Variants in IFT140 observed in about 807,000 individuals in gnomAD.
IFT140 encodes the protein intraflagellar transport protein 140 homolog.
In IFT140, 133 loss-of-function variants were observed where a neutral mutation model predicts 164.6. The observed-to-expected ratio is 0.81, with a 90% CI of 0.70 to 0.93. The LOEUF (loss-of-function observed/expected upper bound fraction) is 0.93, where lower values mean the gene tolerates loss of function less well. IFT140 is among the 40% of genes least tolerant of loss of function. The pLI, the probability that IFT140 is intolerant of heterozygous loss-of-function variation, is 0.00. For missense variants in IFT140, 2,045 were observed against 1,972.3 expected (o/e 1.04, Z -0.70); for synonymous variants, 860 against 817.3 (o/e 1.05, Z -0.89).
chr16:1,541,310 AC>A (rs1290029753), intron 19 of IFT140: 7 of 985,084 alleles, frequency 7.1e-6, no homozygotes, highest in African/African-American at 3.5e-5. Context: ...ACTGGTTCAG[AC>A]CCATGTCTGA....
At chr16:1,562,918 T>C (rs2033496167) in intron 17 of IFT140, among the ~76,000 whole-genome samples, 1 of 152,126 alleles carries the variant, frequency 6.6e-6, no homozygotes, top group African/African-American at 2.4e-5. Flanking sequence ...CACCAGGACA[T>C]GCGCCCATAC....
At chr16:1,514,784 A>G (rs900525912) in intron 30 of IFT140, 6 of 152,246 alleles carry the variant, frequency 3.9e-5, no homozygotes, top group African/African-American at 1.4e-4. Context: ...AAAGGCAAGT[A>G]ATGGAGATCA....
chr16:1,513,753 A>G (rs1471830637), intron 30 of IFT140, among the ~76,000 whole-genome samples: 1 of 149,614 alleles, frequency 6.7e-6, no homozygotes, highest in East Asian at 2.1e-4. Flanking sequence ...TGCTCACTGC[A>G]AGCTCCGCCT....
chr16:1,516,320 C>T (rs114617122), intron 30 of IFT140, among the ~76,000 whole-genome samples: 337 of 152,044 alleles, frequency 2.2e-3, no homozygotes, highest in African/African-American at 7.3e-3. Flanking sequence ...GTTACACATA[C>T]GACAAATACA....
chr16:1,565,206 G>A (rs1378804738), intron 16 of IFT140, among the ~76,000 whole-genome samples: 1 of 152,170 alleles, frequency 6.6e-6, no homozygotes, highest in Admixed American at 6.5e-5. Context: ...CCTGGGTGAC[G>A]GGCAGTGGGG....
At chr16:1,534,300 G>A (rs531539606) in intron 19 of IFT140, 36 of 1,612,396 alleles carry the variant, frequency 2.2e-5, no homozygotes, top group Middle Eastern at 1.6e-4. Context: ...ACTCGTGGCC[G>A]CGGCCGTGCT....
intron 26 of IFT140, among the ~76,000 whole-genome samples, chr16:1,521,169 G>A (rs924166621): frequency 6.6e-6 from 1 of 152,162 alleles, no homozygotes; most frequent in Non-Finnish European, 1.5e-5. Flanking sequence ...CCCCAGGCTG[G>A]AGTGCAGTGG....
At chr16:1,581,807 AT>A (rs2034585253) in intron 12 of IFT140, among the ~76,000 whole-genome samples, 4 of 20,814 alleles carry the variant, frequency 1.9e-4, no homozygotes, top group African/African-American at 7.5e-4. Context: ...AGTGGAGGGG[AT>A]GGGAGTGGAG....
intron 15 of IFT140, among the ~76,000 whole-genome samples, chr16:1,567,498 C>T (rs2033782782): frequency 6.6e-6 from 1 of 152,220 alleles, no homozygotes; most frequent in African/African-American, 2.4e-5. Flanking sequence ...CGGAGCTCCA[C>T]AGCAGCGCAG....
intron 4 of IFT140, among the ~76,000 whole-genome samples, chr16:1,600,092 A>C (rs1379356841): frequency 1.4e-5 from 2 of 147,398 alleles, no homozygotes; most frequent in Non-Finnish European, 3.0e-5. Context: ...GAGACTTTTC[A>C]TTTTGTTCTG....
chr16:1,520,680 C>T lies in IFT140; in HGVS notation c.3582G>A (p.Gln1194=). Residue 1194 remains glutamine (Q), a synonymous_variant, in exon 27 of 31, where the codon CAG becomes CAA. Transcript: ENST00000426508. ...PEESRRELLE[Q]IADCCMRQGS... is the part of the protein sequence containing the mutation. ...CCTGGCGCATGCAGCAGTCTGCTAT[C>T]TGCTCCAGCAGCTCCCGCCGCGACT... 2 of 1,608,726 alleles carry T rather than the reference C, an allele frequency of 1.2e-6. No homozygotes were observed. Among genetic ancestry groups the T allele is most frequent in the Non-Finnish European group, 1.7e-6 (2 of 1,177,738 alleles).
intron 26 of IFT140, among the ~76,000 whole-genome samples, chr16:1,521,255 G>A (rs548830947): frequency 1.5e-4 from 23 of 152,138 alleles, no homozygotes; most frequent in South Asian, 1.5e-3. Flanking sequence ...CAGTAGAGAC[G>A]GGGTTTTGCA....
chr16:1,519,682 T>G (rs1477344499), intron 29 of IFT140, among the ~76,000 whole-genome samples, 199 bp downstream of exon 29: 1 of 152,190 alleles, frequency 6.6e-6, no homozygotes, highest in African/African-American at 2.4e-5. Context: ...CTCTGGTGTT[T>G]CCAGAACACC....
At chr16:1,595,565 G>A (rs2035419339) in intron 4 of IFT140, among the ~76,000 whole-genome samples, 1 of 149,678 alleles carries the variant, frequency 6.7e-6, no homozygotes, top group African/African-American at 2.5e-5. Context: ...CAGTGCCATT[G>A]CACTCCAGCC....
At chr16:1,534,100 A>G in intron 19 of IFT140, 3 of 729,844 alleles carry the variant, frequency 4.1e-6, no homozygotes, top group Non-Finnish European at 6.4e-6. Context: ...GAAGGAGGAT[A>G]AGGCCGGGCC....
intron 19 of IFT140, among the ~76,000 whole-genome samples, chr16:1,538,325 G>C (rs997755790): frequency 1.3e-5 from 2 of 152,226 alleles, no homozygotes; most frequent in Admixed American, 6.5e-5. Flanking sequence ...GAGGAAGGAA[G>C]GCTGAGAGGC....
At chr16:1,596,407 C>T (rs1258171204) in intron 4 of IFT140, among the ~76,000 whole-genome samples, 1 of 152,186 alleles carries the variant, frequency 6.6e-6, no homozygotes, top group African/African-American at 2.4e-5. Context: ...TTCTAGCTGA[C>T]CACTTAACCA....
chr16:1,608,085 G>A (rs763153), intron 2 of IFT140, among the ~76,000 whole-genome samples: 1 of 141,954 alleles, frequency 7.0e-6, no homozygotes, highest in African/African-American at 2.7e-5. Context: ...GTAGAAGACA[G>A]AAGTCTTCCT....
chr16:1,546,618 G>A (rs1031884367), intron 19 of IFT140, among the ~76,000 whole-genome samples: 1 of 152,194 alleles, frequency 6.6e-6, no homozygotes, highest in African/African-American at 2.4e-5. Flanking sequence ...TGCAGCACCT[G>A]TGCTCCCCAC....
Sources: gnomAD v4.1 joint callset for allele counts (sites outside exome capture counted in the v4.1 genomes callset) on GRCh38, gnomAD v4.1.1 for gene constraint, MANE v1.5 for transcripts, NCBI Gene and HGNC (gene_info 2026-07-23, HGNC 2026-07-21) for gene names.